The following ZC3H7B variants were observed in gnomAD, a reference collection of about 807,000 sequenced individuals.
ZC3H7B encodes the protein zinc finger CCCH-type containing 7B.
A neutral mutation model predicts 116.0 loss-of-function variants in ZC3H7B; 35 were observed. That is an observed-to-expected ratio of 0.30 (90% CI 0.23 to 0.40). The LOEUF is 0.40. ZC3H7B is among the 10% of genes least tolerant of loss of function. ZC3H7B has a pLI of 1.00. For synonymous variants in ZC3H7B, 502 were observed against 545.6 expected (o/e 0.92, Z 1.11); for missense variants, 1,011 against 1,321.5 (o/e 0.77, Z 3.64).
intron 1 of ZC3H7B, among the ~76,000 whole-genome samples, chr22:41,318,528 C>CAA (rs61267547): frequency 0.29 from 26,287 of 92,090 alleles, 4,755 homozygotes; most frequent in Admixed American, 0.4. Context: ...GACTCCGCCT[C>CAA]AAAAAAAAAA....
chr22:41,337,180 TAGTC>T (rs1221653715), intron 7 of ZC3H7B, among the ~76,000 whole-genome samples: 2 of 151,766 alleles, frequency 1.3e-5, no homozygotes, highest in East Asian at 3.9e-4. Flanking sequence ...ACAAAAAAGT[TAGTC>T]AGGCGTGGTG....
chr22:41,356,286 G>T (rs1029903672), intron 20 of ZC3H7B, 57 bp from the exon 21 acceptor site: 2 of 1,609,112 alleles, frequency 1.2e-6, no homozygotes, highest in African/African-American at 1.3e-5. Context: ...GGGGACCATG[G>T]GGCAGAATGG....
At position 41,339,834 on chromosome 22, in the gene ZC3H7B, C is replaced by T; in HGVS notation, c.835C>T (p.Leu279=). The change falls in exon 10 of 23, where the codon CTG becomes TTG. Residue 279 remains leucine (L), a synonymous_variant. Transcript: ENST00000352645. The stretch of plus-strand genomic sequence containing the variant: ...CTCATAGTCTCTGGTCCAGGGTGGC[C>T]TGTCTGGCAGCGGCGTGCCTAGTGA... The part of the protein sequence containing the change: ...LDSLSLVQGG[L]SGSGVPSELP... 1 of 1,604,158 alleles carries T rather than the reference C, an allele frequency of 6.2e-7. No individual in the cohort carries two copies. Among genetic ancestry groups the T allele is most frequent in the Non-Finnish European group, 8.5e-7 (1 of 1,173,496 alleles).
chr22:41,356,603 G>A, intron 21 of ZC3H7B, 42 bp from the exon 22 acceptor site: 1 of 1,612,224 alleles, frequency 6.2e-7, no homozygotes, highest in Non-Finnish European at 8.5e-7. Context: ...GGTCCGGGCA[G>A]AGGTGTGGGG....
Position 41,357,464 on chromosome 22 carries a change from CAG to C in ZC3H7B, c.*36_*37del, listed in dbSNP as rs1028257982. The C allele has an allele frequency of 1.9e-5, 26 of 1,382,440 alleles. No individual in the cohort carries two copies. The highest frequency in any genetic ancestry group is 5.8e-5 in the Admixed American group (3 of 52,148). The allele number at this position is 1,382,440 out of a possible 1,614,324, so 85.6% of individuals were successfully genotyped here. ...TTGGCCGTGGGTGAAGTCCTGGGGT[CAG>C]GGGGTGGGGTGGGGCCAGAAGGCCT... On this transcript the variant is annotated 3_prime_UTR_variant, in exon 23 of 23. Coordinates refer to ENST00000352645, the MANE Select transcript of ZC3H7B (RefSeq NM_017590.6). This position sits in a 1 kb window ranked among gnomAD's most constrained non-coding sequence, Gnocchi z 5.4.
chr22:41,331,424 G>A (rs2036382998), intron 6 of ZC3H7B, among the ~76,000 whole-genome samples: 1 of 149,536 alleles, frequency 6.7e-6, no homozygotes, highest in Non-Finnish European at 1.5e-5. Context: ...GGGTGGTAGC[G>A]AGCGCCTGTA....
chr22:41,333,052 CT>C (rs2036401966), intron 7 of ZC3H7B: 1 of 152,320 alleles, frequency 6.6e-6, no homozygotes, highest in Non-Finnish European at 1.5e-5. Context: ...GAGAGATGGG[CT>C]ATAAGAGCAC....
chr22:41,303,653 A>G (rs1211896110), intron 1 of ZC3H7B, among the ~76,000 whole-genome samples: 2 of 151,528 alleles, frequency 1.3e-5, no homozygotes, highest in Non-Finnish European at 2.9e-5. Flanking sequence ...CTGGAAAGTC[A>G]GACAGCAGAG....
rs2036582182 is a variant in ZC3H7B at position 41,346,113 on chromosome 22, C to T, written c.1570C>T (p.Leu524=). 2.5e-6 allele frequency: 4 copies of T among 1,613,696 alleles called. No homozygotes were observed. Among genetic ancestry groups the T allele is most frequent in the Non-Finnish European group, 3.4e-6 (4 of 1,180,038 alleles). Residue 524 remains leucine, a synonymous_variant, in exon 14 of 23, where the codon CTG becomes TTG. Coordinates refer to ENST00000352645, the MANE Select transcript of ZC3H7B (RefSeq NM_017590.6). The surrounding 1 kb of genome is among the most constrained non-coding windows in gnomAD (Gnocchi z 5.3). ...GCGGAAGGGCACCCTCAACCGCGAC[C>T]TGCTCTTCGACCCGCTGGGGGGTGT... ...EERKGTLNRD[L]LFDPLGGVKR...
intron 1 of ZC3H7B, among the ~76,000 whole-genome samples, chr22:41,312,961 T>C (rs1156348279): frequency 6.6e-6 from 1 of 152,108 alleles, no homozygotes; most frequent in Non-Finnish European, 1.5e-5. Flanking sequence ...ATAGATTAAA[T>C]TCTTGGAAGT....
At chr22:41,309,977 G>A (rs2036096429) in intron 1 of ZC3H7B, among the ~76,000 whole-genome samples, 1 of 151,966 alleles carries the variant, frequency 6.6e-6, no homozygotes. Context: ...AGGCCGAGGT[G>A]AGCGGATCAC....
chr22:41,342,446 TC>T, intron 11 of ZC3H7B, 82 bp from the exon 12 acceptor site: 2 of 1,340,250 alleles, frequency 1.5e-6, no homozygotes, highest in Non-Finnish European at 1.1e-6. Flanking sequence ...CATAGAGCAC[TC>T]CCCACTTCTG....
chr22:41,305,300 T>C (rs1371160862), intron 1 of ZC3H7B, among the ~76,000 whole-genome samples: 1 of 144,976 alleles, frequency 6.9e-6, no homozygotes, highest in Non-Finnish European at 1.5e-5. Flanking sequence ...AGCCGAGCGC[T>C]CCACTGCACT....
At position 41,349,506 on chromosome 22, in the gene ZC3H7B, A is replaced by C. The variant is rs2036630824; in HGVS notation, c.1948+205A>C. Among the ~76,000 whole-genome samples the C allele has an allele frequency of 6.6e-6, 1 of 152,108 alleles. No homozygotes were observed. The highest frequency in any genetic ancestry group is 2.4e-5 in the African/African-American group (1 of 41,424). On this transcript the variant is annotated intron_variant, in intron 16 of 22. Transcript: ENST00000352645. The surrounding 1 kb of genome is among the most constrained non-coding windows in gnomAD (Gnocchi z 4.9). The stretch of plus-strand genomic sequence containing the variant: ...CACAGAGGAGAGAAGCTCTGCTCTC[A>C]GGGCGCTTCCAGGCTCGGAGATCTG...
intron 1 of ZC3H7B, among the ~76,000 whole-genome samples, chr22:41,306,584 G>A (rs1318974148): frequency 6.6e-6 from 1 of 152,044 alleles, no homozygotes; most frequent in African/African-American, 2.4e-5. Context: ...TGGCCAGGCT[G>A]GTCTTGAACT....
intron 1 of ZC3H7B, among the ~76,000 whole-genome samples, chr22:41,304,362 ACTC>A (rs1024550562): frequency 5.6e-5 from 8 of 143,268 alleles, no homozygotes; most frequent in African/African-American, 2.1e-4. Context: ...ATTCAAGTGA[ACTC>A]CTGGGCTCAA....
At chr22:41,354,421 G>T (rs2036687961) in intron 17 of ZC3H7B, among the ~76,000 whole-genome samples, 1 of 152,204 alleles carries the variant, frequency 6.6e-6, no homozygotes. Flanking sequence ...CAGGCCAGGG[G>T]TCAGTCAGCA....
In ZC3H7B at chr22:41,316,369, C is replaced by T. The variant is rs1388820361; in HGVS notation, c.-6-4286C>T. Among the ~76,000 whole-genome samples, 4 of 151,056 alleles carry T rather than the reference C, an allele frequency of 2.6e-5. No homozygotes were observed. The East Asian group carries it at 5.8e-4, about 22-fold the overall frequency. On this transcript the variant is annotated intron_variant, in intron 1 of 22. Coordinates refer to ENST00000352645, the MANE Select transcript of ZC3H7B (RefSeq NM_017590.6). Reference sequence around the variant, plus strand: ...GGAGTGCAGCGGCGTGATCTTGGCTCACTGCAACCTCCGCCTCCCAGGTTC... The same window carrying T: ...GGAGTGCAGCGGCGTGATCTTGGCTTACTGCAACCTCCGCCTCCCAGGTTC...
Position 41,340,041 on chromosome 22 carries a change from C to A in ZC3H7B, c.1042C>A (p.Pro348Thr). 3.7e-6 allele frequency: 6 copies of A among 1,611,618 alleles called. No homozygotes were observed. Among genetic ancestry groups the A allele is most frequent in the Non-Finnish European group, 5.1e-6 (6 of 1,179,996 alleles). Residue 348 changes from proline (P) to threonine (T), a missense_variant, in exon 10 of 23, where the codon CCC becomes ACC. Pro to Thr is a conservative substitution (Grantham distance 38). Around this residue, in one of 5 missense-constraint regions of ZC3H7B, gnomAD observed 99 missense variants for 89.5 expected, o/e 1.11. Transcript: ENST00000352645. ...ALDPPGPTLD[P>T]LDLLPYSETR... The stretch of plus-strand genomic sequence containing the variant: ...CGATCCCCCGGGCCCCACGCTGGAC[C>A]CCCTGGACCTGCTGCCGTACTCGGA...
Sources: gnomAD v4.1 joint callset for allele counts (sites outside exome capture counted in the v4.1 genomes callset) on GRCh38, gnomAD v4.1.1 for gene constraint, gnomAD v4.1.1 regional missense constraint, Gnocchi (gnomAD v3.1) non-coding constraint, MANE v1.5 for transcripts, NCBI Gene and HGNC (gene_info 2026-07-23, HGNC 2026-07-21) for gene names.